The following PKIB variants were observed in gnomAD, a reference collection of about 807,000 sequenced individuals.
PKIB encodes the protein cAMP-dependent protein kinase inhibitor beta.
PKIB carries 2 observed loss-of-function variants against 4.5 expected under a neutral mutation model. The observed-to-expected ratio is 0.44, with a 90% confidence interval of 0.18 to 1.39. The LOEUF (loss-of-function observed/expected upper bound fraction) is 1.39. Ranked by LOEUF, PKIB falls within the 40% of genes most tolerant of loss-of-function variation. The pLI is 0.27. For missense variants in PKIB, 94 were observed against 92.6 expected, an observed-to-expected ratio of 1.02 and a Z score of -0.06; for synonymous variants, 38 against 36.0, an observed-to-expected ratio of 1.06 and a Z score of -0.20.
intron 3 of PKIB, among the ~76,000 whole-genome samples, chr6:122,599,216 A>G (rs1774277300): frequency 6.6e-6 from 1 of 152,170 alleles, no homozygotes. Context: ...GGAAAGGCTG[A>G]TGGCAGCATG....
At chr6:122,682,338 T>G (rs894871278) in intron 3 of PKIB, among the ~76,000 whole-genome samples, 1 of 152,124 alleles carries the variant, frequency 6.6e-6, no homozygotes, top group Non-Finnish European at 1.5e-5. Context: ...TCTCCTAGGA[T>G]TCTATAGAAT....
chr6:122,699,448 G>C (rs1778708931), intron 3 of PKIB, among the ~76,000 whole-genome samples: 1 of 150,640 alleles, frequency 6.6e-6, no homozygotes. Flanking sequence ...CAGTTTGTTG[G>C]AAATAGGGAC....
At chr6:122,656,385 A>T (rs1023713247) in intron 2 of PKIB, among the ~76,000 whole-genome samples, 4 of 152,230 alleles carry the variant, frequency 2.6e-5, no homozygotes, top group Non-Finnish European at 4.4e-5. Context: ...GAATCAGTTC[A>T]TGGAGAATTA....
At chr6:122,625,681 A>T (rs1185675596) in intron 1 of PKIB, among the ~76,000 whole-genome samples, 2 of 152,090 alleles carry the variant, frequency 1.3e-5, no homozygotes, top group East Asian at 3.9e-4. Context: ...AACTTTTTTT[A>T]AAAAGCTATG....
chr6:122,490,559 A>G (rs1328227247), intron 2 of PKIB, among the ~76,000 whole-genome samples: 1 of 152,014 alleles, frequency 6.6e-6, no homozygotes, highest in Admixed American at 6.6e-5. Flanking sequence ...TTCAGTTCAC[A>G]CAGAGATCTG....
At chr6:122,550,283 T>C (rs1388055780) in intron 2 of PKIB, among the ~76,000 whole-genome samples, 3 of 151,798 alleles carry the variant, frequency 2.0e-5, no homozygotes, top group Non-Finnish European at 4.4e-5. Flanking sequence ...TAGTCTAATA[T>C]GAAAGAACTA....
chr6:122,718,662 A>G (rs1365286892), intron 4 of PKIB, among the ~76,000 whole-genome samples: 1 of 152,090 alleles, frequency 6.6e-6, no homozygotes, highest in African/African-American at 2.4e-5. Context: ...TCTCAGGTGG[A>G]CTCTAGTGTA....
At chr6:122,648,513 A>C (rs1776413875) in intron 2 of PKIB, among the ~76,000 whole-genome samples, 1 of 152,236 alleles carries the variant, frequency 6.6e-6, no homozygotes, top group South Asian at 2.1e-4. Flanking sequence ...TATGCCATCT[A>C]ACTCAGGATG....
At chr6:122,626,804 C>T (rs1039535175) in intron 1 of PKIB, among the ~76,000 whole-genome samples, 1 of 152,012 alleles carries the variant, frequency 6.6e-6, no homozygotes, top group African/African-American at 2.4e-5. Flanking sequence ...AATGAATGAA[C>T]GAATGAACAC....
chr6:122,503,193 G>A (rs948675001), intron 2 of PKIB, among the ~76,000 whole-genome samples: 7 of 152,188 alleles, frequency 4.6e-5, no homozygotes, highest in Admixed American at 1.3e-4. Flanking sequence ...CATCACATTA[G>A]GAGGTAGGAT....
chr6:122,644,929 ACTC>A (rs1776255397), intron 2 of PKIB, among the ~76,000 whole-genome samples: 1 of 152,088 alleles, frequency 6.6e-6, no homozygotes, highest in Non-Finnish European at 1.5e-5. Flanking sequence ...GACTGTGACA[ACTC>A]CTGTAACTGG....
chr6:122,715,728 T>C (rs937178640), intron 3 of PKIB, among the ~76,000 whole-genome samples: 3 of 151,688 alleles, frequency 2.0e-5, no homozygotes, highest in Non-Finnish European at 4.4e-5. Context: ...CACATATTTT[T>C]CCCCCTGTTT....
chr6:122,522,265 A>T (rs1443006806), intron 2 of PKIB, among the ~76,000 whole-genome samples: 1 of 152,204 alleles, frequency 6.6e-6, no homozygotes, highest in Non-Finnish European at 1.5e-5. Flanking sequence ...AACTGTAATT[A>T]CTTTTGCACT....
intron 3 of PKIB, among the ~76,000 whole-genome samples, chr6:122,683,070 C>T (rs763492325): frequency 2.0e-5 from 3 of 152,122 alleles, no homozygotes; most frequent in Non-Finnish European, 4.4e-5. Flanking sequence ...TGTGCTGCCT[C>T]CCTGGAATCG....
At chr6:122,570,867 A>T (rs1236312171) in intron 2 of PKIB, among the ~76,000 whole-genome samples, 2 of 152,132 alleles carry the variant, frequency 1.3e-5, no homozygotes, top group Non-Finnish European at 2.9e-5. Flanking sequence ...CCCCCAAAAG[A>T]TCAAACTAAC....
chr6:122,519,522 C>T (rs1178174148), intron 2 of PKIB, among the ~76,000 whole-genome samples: 1 of 152,050 alleles, frequency 6.6e-6, no homozygotes, highest in African/African-American at 2.4e-5. Flanking sequence ...AGGTTGGAGA[C>T]CACTGTTTTA....
chr6:122,613,959 CAAAAAAAAAA>C (rs67112737), intron 1 of PKIB, among the ~76,000 whole-genome samples: 2 of 77,406 alleles, frequency 2.6e-5, no homozygotes, highest in East Asian at 3.6e-4. Context: ...GAGACTCCAT[CAAAAAAAAAA>C]AAAAAAAAAA....
At chr6:122,618,719 T>C (rs1775092965) in intron 1 of PKIB, among the ~76,000 whole-genome samples, 1 of 152,092 alleles carries the variant, frequency 6.6e-6, no homozygotes, top group South Asian at 2.1e-4. Flanking sequence ...CTGGTGACGC[T>C]ACAGAAAGTT....
At chr6:122,489,222 TTTA>T (rs61079139) in intron 2 of PKIB, among the ~76,000 whole-genome samples, 25,894 of 148,894 alleles carry the variant, frequency 0.17, 2,351 homozygotes, top group East Asian at 0.26. Context: ...TAGTATTTCA[TTTA>T]TTATTATTAT....
Sources: allele counts gnomAD v4.1 joint callset (sites outside exome capture counted in the v4.1 genomes callset), GRCh38; gene constraint gnomAD v4.1.1; transcripts MANE v1.5; gene names NCBI Gene and HGNC (gene_info 2026-07-23, HGNC 2026-07-21).